FGF12: variants seen among roughly 807,000 people sequenced by gnomAD.
FGF12 encodes fibroblast growth factor 12.
FGF12 carries 14 observed loss-of-function variants against 23.6 expected under a neutral mutation model. The ratio of observed to expected loss-of-function variants is 0.59; its 90% confidence interval spans 0.39 to 0.93. The LOEUF is 0.93. FGF12 is among the 40% of genes least tolerant of loss of function. The pLI, the probability that FGF12 is intolerant of heterozygous loss-of-function variation, is 0.00. For synonymous variants in FGF12, 62 were observed against 77.3 expected (o/e 0.80, Z 1.04); for missense variants, 175 against 217.8 (o/e 0.80, Z 1.24).
At chr3:192,410,197 C>T (rs1721152542) in intron 2 of FGF12, among the ~76,000 whole-genome samples, 1 of 152,200 alleles carries the variant, frequency 6.6e-6, no homozygotes, top group Non-Finnish European at 1.5e-5. Flanking sequence ...CGCTGGGAAG[C>T]ACAGCGCGCT....
chr3:192,430,905 A>G (rs528285483), intron 2 of FGF12, among the ~76,000 whole-genome samples: 3 of 152,264 alleles, frequency 2.0e-5, no homozygotes, highest in South Asian at 4.1e-4. Flanking sequence ...TCAACCTTTG[A>G]GTTTTTCAAA....
rs142494216 is a variant in FGF12, at chr3:192,385,394, C to T, written c.14-24856G>A. The stretch of plus-strand genomic sequence containing the variant: ...CTTAAAGCAAGAGAACAAATGGAGA[C>T]TCCCATATCATATGTTTAATATTTA... On this transcript the variant is annotated intron_variant, in intron 2 of 5. Transcript: ENST00000445105. Among the ~76,000 whole-genome samples the T allele has an allele frequency of 3.7e-3, 557 of 152,162 alleles. 3 individuals are homozygous for T. The highest frequency in any genetic ancestry group is 0.013 in the African/African-American group (533 of 41,510).
intron 2 of FGF12, among the ~76,000 whole-genome samples, chr3:192,384,989 T>G (rs180690109): frequency 6.6e-6 from 1 of 152,152 alleles, no homozygotes; most frequent in Non-Finnish European, 1.5e-5. Context: ...TAGCAACAGA[T>G]AGGTAAATAA....
chr3:192,482,905 T>G (rs1354453393), intron 2 of FGF12, among the ~76,000 whole-genome samples: 2 of 152,226 alleles, frequency 1.3e-5, no homozygotes, highest in East Asian at 3.8e-4. Flanking sequence ...AGATAAAATG[T>G]GCATGGTAAA....
chr3:192,320,060 G>C (rs780228010), intron 4 of FGF12, among the ~76,000 whole-genome samples: 5 of 152,102 alleles, frequency 3.3e-5, no homozygotes, highest in African/African-American at 1.2e-4. Context: ...TAGAGTGCCT[G>C]CATAGATTTC....
intron 2 of FGF12, among the ~76,000 whole-genome samples, chr3:192,442,035 A>G (rs780005098): frequency 2.0e-4 from 31 of 152,246 alleles, no homozygotes; most frequent in Non-Finnish European, 4.0e-4. Context: ...TACAGTAACT[A>G]TATAGATCAA....
chr3:192,378,044 T>TTCTCTCTC (rs1174579886), intron 2 of FGF12, among the ~76,000 whole-genome samples: 2 of 94,902 alleles, frequency 2.1e-5, no homozygotes, highest in South Asian at 8.4e-4. Flanking sequence ...CTTTCTTTCT[T>TTCTCTCTC]TCTTTCTTTC....
At chr3:192,335,498 G>C in intron 3 of FGF12, 34 bp from the exon 4 acceptor site, 2 of 1,271,378 alleles carry the variant, frequency 1.6e-6, no homozygotes, top group Non-Finnish European at 2.3e-6. Context: ...GAAAGGATCA[G>C]TGACCTTTTG....
At chr3:192,167,731 GTATATATATATATATATATATA>G (rs11394352) in intron 5 of FGF12, among the ~76,000 whole-genome samples, 718 of 25,050 alleles carry the variant, frequency 0.029, 57 homozygotes, top group African/African-American at 0.14. Context: ...TAGGTTATAG[GTATATATATATATATATATATA>G]TATATATATA....
At chr3:192,212,202 T>C (rs1345623900) in intron 4 of FGF12, among the ~76,000 whole-genome samples, 1 of 152,248 alleles carries the variant, frequency 6.6e-6, no homozygotes, top group African/African-American at 2.4e-5. Flanking sequence ...CGCTGAGTTG[T>C]TGCCATGATT....
intron 2 of FGF12, among the ~76,000 whole-genome samples, chr3:192,617,627 G>T (rs1714812039): frequency 6.6e-6 from 1 of 152,118 alleles, no homozygotes; most frequent in South Asian, 2.1e-4. Context: ...CAACCAACCT[G>T]AGGCTCTTAT....
chr3:192,436,090 G>T (rs556768670), intron 2 of FGF12, among the ~76,000 whole-genome samples: 1 of 152,228 alleles, frequency 6.6e-6, no homozygotes, highest in African/African-American at 2.4e-5. Context: ...TCGTGCTAGG[G>T]GTTGGAGCTC....
chr3:192,327,527 T>C (rs1404590007), intron 4 of FGF12, among the ~76,000 whole-genome samples: 1 of 150,690 alleles, frequency 6.6e-6, no homozygotes, highest in Non-Finnish European at 1.5e-5. Flanking sequence ...AGTCTAAGTT[T>C]ATAAAAAGTA....
intron 4 of FGF12, among the ~76,000 whole-genome samples, chr3:192,331,311 C>CAAAA (rs201997868): frequency 8.9e-4 from 85 of 95,876 alleles, no homozygotes; most frequent in East Asian, 2.9e-3. Context: ...GGAGTTTTCT[C>CAAAA]AAAAAAAAAA....
At chr3:192,311,721 A>G (rs1430930301) in intron 4 of FGF12, among the ~76,000 whole-genome samples, 1 of 152,236 alleles carries the variant, frequency 6.6e-6, no homozygotes, top group African/African-American at 2.4e-5. Flanking sequence ...AGAAACTGCC[A>G]GACTGTCTTA....
intron 2 of FGF12, among the ~76,000 whole-genome samples, chr3:192,464,220 A>G (rs1480968372): frequency 6.6e-6 from 1 of 151,944 alleles, no homozygotes; most frequent in Non-Finnish European, 1.5e-5. Flanking sequence ...TTTTGTGAGA[A>G]TTTGGTGCAC....
intron 2 of FGF12, among the ~76,000 whole-genome samples, chr3:192,648,418 G>A (rs1716091553): frequency 6.6e-6 from 1 of 151,592 alleles, no homozygotes; most frequent in Admixed American, 6.6e-5. Context: ...CAAAATGATT[G>A]TCTCCCCCAC....
intron 2 of FGF12, among the ~76,000 whole-genome samples, chr3:192,366,244 T>C (rs1190862139): frequency 6.6e-6 from 1 of 152,114 alleles, no homozygotes; most frequent in Non-Finnish European, 1.5e-5. Context: ...TACGTGTTGA[T>C]AGAAAAGCAG....
intron 4 of FGF12, among the ~76,000 whole-genome samples, chr3:192,308,725 A>G (rs1359385128): frequency 6.6e-6 from 1 of 152,076 alleles, no homozygotes; most frequent in East Asian, 1.9e-4. Context: ...TAAAAAAATA[A>G]AAGTCCAAAC....
Sources: gnomAD v4.1 joint callset for allele counts (sites outside exome capture counted in the v4.1 genomes callset) on GRCh38, gnomAD v4.1.1 for gene constraint, MANE v1.5 for transcripts, NCBI Gene and HGNC (gene_info 2026-07-23, HGNC 2026-07-21) for gene names.